The following GALNT13 variants were observed in gnomAD, a reference collection of about 807,000 sequenced individuals.
GALNT13 encodes the protein UDP-GalNAc:polypeptide N-acetylgalactosaminyltransferase 13.
In GALNT13, 28 loss-of-function variants were observed where a neutral mutation model predicts 64.2. The ratio of observed to expected loss-of-function variants is 0.44; its 90% CI spans 0.32 to 0.60. The LOEUF (loss-of-function observed/expected upper bound fraction) is 0.60. Among genes scored for constraint, GALNT13 ranks in the 20% least tolerant of loss-of-function variants. GALNT13 has a pLI of 0.05. For missense variants in GALNT13, 577 were observed against 669.8 expected (o/e 0.86, Z 1.53); for synonymous variants, 214 against 224.6 (o/e 0.95, Z 0.42).
chr2:153,339,064 A>C, the GALNT13 span, among the ~76,000 whole-genome samples: 3 of 152,218 alleles, frequency 2.0e-5, no homozygotes, highest in African/African-American at 7.2e-5. Flanking sequence ...GGCTGTGTTG[A>C]ATAATGCTGT....
the GALNT13 span, among the ~76,000 whole-genome samples, chr2:153,612,478 A>G: frequency 6.6e-6 from 1 of 152,228 alleles, no homozygotes; most frequent in Admixed American, 6.5e-5. Context: ...GATGGATTTG[A>G]CTACATGAAA....
chr2:153,133,613 C>T, the GALNT13 span, among the ~76,000 whole-genome samples: 1 of 152,096 alleles, frequency 6.6e-6, no homozygotes, highest in Non-Finnish European at 1.5e-5. Flanking sequence ...AACAGCTCTA[C>T]CATGTAATAG....
the GALNT13 span, chr2:153,478,233 G>A: frequency 3.7e-6 from 6 of 1,606,356 alleles, no homozygotes; most frequent in Non-Finnish European, 4.3e-6. Context: ...GGCAGAGGGC[G>A]GGTCAGTAGG....
At chr2:153,359,630 CAAAAAAAAAAAAAAAAAAA>C in the GALNT13 span, among the ~76,000 whole-genome samples, 3 of 38,220 alleles carry the variant, frequency 7.8e-5, no homozygotes, top group African/African-American at 2.0e-4. Flanking sequence ...CAGCTTTCAG[CAAAAAAAAAAAAAAAAAAA>C]AAAAAAAAAA....
chr2:154,140,497 A>G lies in GALNT13; in HGVS notation c.303A>G (p.Arg101=), dbSNP rs547744872. 2 of 1,604,318 alleles carry G rather than the reference A, an allele frequency of 1.2e-6. No homozygotes were observed. Among genetic ancestry groups the G allele is most frequent in the African/African-American group, 2.7e-5 (2 of 74,672 alleles). Residue 101 remains arginine, a synonymous_variant, in exon 4 of 13, where the codon AGA becomes AGG. Coordinates refer to ENST00000392825, the MANE Select transcript of GALNT13 (RefSeq NM_052917.4). ...IALNRSLPDV[R]LEGCKTKVYP... Reference sequence around the variant, plus strand: ...TTAATAGAAGTCTGCCAGATGTAAGATTAGAAGGGTAAGTTTGCATTTGTT... The same window carrying G: ...TTAATAGAAGTCTGCCAGATGTAAGGTTAGAAGGGTAAGTTTGCATTTGTT...
chr2:153,647,300 T>C, the GALNT13 span, among the ~76,000 whole-genome samples: 1 of 152,228 alleles, frequency 6.6e-6, no homozygotes, highest in Non-Finnish European at 1.5e-5. Context: ...CACCCACTTG[T>C]TGATGGGGTT....
the GALNT13 span, among the ~76,000 whole-genome samples, chr2:153,695,011 G>A: frequency 6.6e-5 from 10 of 152,056 alleles, no homozygotes; most frequent in East Asian, 1.9e-4. Flanking sequence ...TCAGCAAAGC[G>A]GAACAGGTAC....
At chr2:154,407,988 TCA>T (rs1419824448) in intron 10 of GALNT13, among the ~76,000 whole-genome samples, 1 of 152,142 alleles carries the variant, frequency 6.6e-6, no homozygotes, top group Non-Finnish European at 1.5e-5. Flanking sequence ...AAACATGTAC[TCA>T]GAGCATAGAT....
chr2:154,137,631 G>T (rs984024356), intron 3 of GALNT13, among the ~76,000 whole-genome samples: 1 of 151,998 alleles, frequency 6.6e-6, no homozygotes, highest in Non-Finnish European at 1.5e-5. Context: ...TGAATATATT[G>T]CAAATATCAA....
At chr2:154,111,207 A>T (rs1339249936) in intron 3 of GALNT13, among the ~76,000 whole-genome samples, 1 of 152,142 alleles carries the variant, frequency 6.6e-6, no homozygotes, top group Non-Finnish European at 1.5e-5. Flanking sequence ...TCAGCAGGTC[A>T]TGGTTTTTTT....
chr2:153,769,575 T>C, the GALNT13 span, among the ~76,000 whole-genome samples: 1 of 152,206 alleles, frequency 6.6e-6, no homozygotes, highest in African/African-American at 2.4e-5. Context: ...TCTTCTTGGA[T>C]TGTATCTTGT....
intron 4 of GALNT13, among the ~76,000 whole-genome samples, chr2:154,156,960 C>A (rs1472598461): frequency 7.2e-5 from 11 of 152,144 alleles, no homozygotes; most frequent in African/African-American, 2.4e-4. Context: ...ACGGTTCATA[C>A]AGTCATGCTG....
At chr2:153,897,633 G>A (rs56937332) in intron 1 of GALNT13, among the ~76,000 whole-genome samples, 2 of 151,886 alleles carry the variant, frequency 1.3e-5, no homozygotes, top group African/African-American at 2.4e-5. Flanking sequence ...ACTTTCATGC[G>A]CTGGTGCTGA....
At chr2:153,772,763 C>T in the GALNT13 span, among the ~76,000 whole-genome samples, 1 of 152,182 alleles carries the variant, frequency 6.6e-6, no homozygotes. Flanking sequence ...ACAGCCACTC[C>T]TCTGGCTTTT....
the GALNT13 span, among the ~76,000 whole-genome samples, chr2:153,416,055 A>G: frequency 5.8e-4 from 89 of 152,342 alleles, no homozygotes; most frequent in African/African-American, 2.0e-3. Context: ...GCCCTGTGTT[A>G]GAGTAAGCAT....
the GALNT13 span, among the ~76,000 whole-genome samples, chr2:153,322,573 T>TAC: frequency 6.6e-6 from 1 of 152,132 alleles, no homozygotes; most frequent in Non-Finnish European, 1.5e-5. Flanking sequence ...TACATAGGTA[T>TAC]ACATGTGCTA....
chr2:153,664,503 G>A, the GALNT13 span, among the ~76,000 whole-genome samples: 5 of 152,152 alleles, frequency 3.3e-5, no homozygotes, highest in African/African-American at 4.8e-5. Context: ...TGCAGTTAAC[G>A]CAATCATCAC....
At chr2:153,577,371 C>T in the GALNT13 span, among the ~76,000 whole-genome samples, 1 of 152,208 alleles carries the variant, frequency 6.6e-6, no homozygotes, top group Admixed American at 6.5e-5. Flanking sequence ...AAGCATCCTT[C>T]CTTTCTCAAA....
chr2:154,133,538 A>ATATATATATATG (rs1682758541), intron 3 of GALNT13, among the ~76,000 whole-genome samples: 1 of 9,696 alleles, frequency 1.0e-4, no homozygotes, highest in African/African-American at 3.7e-4. Context: ...ACCATTTTAT[A>ATATATATATATG]TATATATATA....
Sources: allele counts gnomAD v4.1 joint callset (sites outside exome capture counted in the v4.1 genomes callset), GRCh38; gene constraint gnomAD v4.1.1; transcripts MANE v1.5; gene names NCBI Gene and HGNC (gene_info 2026-07-23, HGNC 2026-07-21).